Variants in TMTC1 observed in about 807,000 individuals in gnomAD.
TMTC1 encodes the protein transmembrane O-mannosyltransferase targeting cadherins 1.
TMTC1 carries 73 observed loss-of-function variants against 104.8 expected under a neutral mutation model. That is an observed-to-expected ratio of 0.70 (90% CI 0.58 to 0.85). The LOEUF is 0.85. Among genes scored for constraint, TMTC1 ranks in the 40% least tolerant of loss-of-function variants. The pLI, the probability that TMTC1 is intolerant of heterozygous loss-of-function variation, is 0.00. For synonymous variants in TMTC1, 434 were observed against 428.7 expected (o/e 1.01, Z -0.15); for missense variants, 1,035 against 1,096.1 (o/e 0.94, Z 0.79).
intron 10 of TMTC1, among the ~76,000 whole-genome samples, chr12:29,537,002 T>C (rs1385458598): frequency 1.3e-5 from 2 of 152,154 alleles, no homozygotes; most frequent in African/African-American, 2.4e-5. Context: ...GTCATTACCA[T>C]TTTCTTGGGT....
intron 5 of TMTC1, among the ~76,000 whole-genome samples, chr12:29,670,021 C>T (rs1020092820): frequency 6.6e-6 from 1 of 152,134 alleles, no homozygotes; most frequent in African/African-American, 2.4e-5. Context: ...CTGTGTTTTC[C>T]GTTATTTCCA....
At chr12:29,582,974 A>T (rs183279356) in intron 8 of TMTC1, among the ~76,000 whole-genome samples, 195 of 152,352 alleles carry the variant, frequency 1.3e-3, no homozygotes, top group African/African-American at 4.4e-3. Flanking sequence ...TTAATGTTCA[A>T]AATAAAGCAA....
At chr12:29,744,198 C>T (rs1942895387) in intron 5 of TMTC1, among the ~76,000 whole-genome samples, 1 of 152,208 alleles carries the variant, frequency 6.6e-6, no homozygotes, top group South Asian at 2.1e-4. Context: ...CATCTACTGA[C>T]TGAAATTCAC....
intron 5 of TMTC1, among the ~76,000 whole-genome samples, chr12:29,674,683 C>A (rs536101967): frequency 1.2e-3 from 178 of 152,304 alleles, no homozygotes; most frequent in Non-Finnish European, 1.7e-3. Flanking sequence ...GGGCTCAAAT[C>A]CAGCCCATGC....
In TMTC1 at chr12:29,751,688, G is replaced by A. The variant is rs115853420; in HGVS notation, c.916C>T (p.Arg306Ter). 32 of 1,614,128 alleles carry A rather than the reference G, an allele frequency of 2.0e-5. No individual in the cohort carries two copies. Among genetic ancestry groups the A allele is most frequent in the East Asian group, 1.8e-4 (8 of 44,870 alleles). Residue 306 changes from arginine to a stop codon, truncating the protein, a stop_gained, in exon 5 of 18, where the codon CGA (arginine) becomes TGA (stop). Coordinates refer to ENST00000539277, the MANE Select transcript of TMTC1 (RefSeq NM_001193451.2). LOFTEE classifies it high-confidence loss of function. The part of the protein sequence containing the change: ...PKSSGFPVSP[R>*]AVWSMMRFLT... ...TACCTCATCATGGACCACACAGCTCGTGGGGACACTGGGAATCCACTGCTC... is the reference window on the plus strand; with the variant it reads ...TACCTCATCATGGACCACACAGCTCATGGGGACACTGGGAATCCACTGCTC...
At chr12:29,721,693 C>T (rs1046075763) in intron 5 of TMTC1, among the ~76,000 whole-genome samples, 3 of 152,076 alleles carry the variant, frequency 2.0e-5, no homozygotes, top group South Asian at 2.1e-4. Context: ...CCAGCTTGTT[C>T]TTATACACCA....
intron 5 of TMTC1, among the ~76,000 whole-genome samples, chr12:29,685,928 G>GT (rs1941077824): frequency 8.7e-6 from 1 of 114,940 alleles, no homozygotes; most frequent in Non-Finnish European, 1.8e-5. Context: ...TAGCAAGATT[G>GT]TTAAAAAAAA....
intron 5 of TMTC1, among the ~76,000 whole-genome samples, chr12:29,720,533 T>C (rs934789339): frequency 2.0e-5 from 3 of 152,182 alleles, no homozygotes; most frequent in African/African-American, 7.2e-5. Context: ...TTAAATTCTA[T>C]GGACAGGTTT....
chr12:29,597,112 C>G (rs1394318716), intron 7 of TMTC1, among the ~76,000 whole-genome samples: 1 of 152,200 alleles, frequency 6.6e-6, no homozygotes, highest in Non-Finnish European at 1.5e-5. Context: ...AGACAGCCAT[C>G]TGACATTTCT....
At chr12:29,626,418 T>G (rs1937996623) in intron 6 of TMTC1, among the ~76,000 whole-genome samples, 1 of 152,178 alleles carries the variant, frequency 6.6e-6, no homozygotes, top group Non-Finnish European at 1.5e-5. Flanking sequence ...TGAGCTCAAG[T>G]TTATGTAACT....
At chr12:29,607,184 A>G (rs1201755063) in intron 6 of TMTC1, among the ~76,000 whole-genome samples, 2 of 152,144 alleles carry the variant, frequency 1.3e-5, no homozygotes, top group Non-Finnish European at 2.9e-5. Flanking sequence ...CCTTCATGAC[A>G]TCACTCTAGT....
intron 10 of TMTC1, 131 bp from the exon 11 acceptor site, chr12:29,536,448 TG>T (rs1372224548): frequency 1.6e-6 from 1 of 644,742 alleles, no homozygotes; most frequent in Admixed American, 3.1e-5. Context: ...TTATTGCAAA[TG>T]AATTAAACTA....
At chr12:29,773,941 A>G (rs1943650765) in intron 1 of TMTC1, among the ~76,000 whole-genome samples, 1 of 152,132 alleles carries the variant, frequency 6.6e-6, no homozygotes. Context: ...TCGAAGTTGC[A>G]GGTGCTCCTT....
chr12:29,553,142 G>C (rs1398008339), intron 10 of TMTC1, among the ~76,000 whole-genome samples: 1 of 152,166 alleles, frequency 6.6e-6, no homozygotes, highest in Non-Finnish European at 1.5e-5. Context: ...GTAATGTTTG[G>C]ATTGGAAAGC....
chr12:29,694,785 C>A (rs1003210922), intron 5 of TMTC1, among the ~76,000 whole-genome samples: 2 of 152,052 alleles, frequency 1.3e-5, no homozygotes, highest in Non-Finnish European at 2.9e-5. Flanking sequence ...ACTAAGAATA[C>A]AAAAATTAGC....
chr12:29,592,769 G>A (rs1177742670), intron 7 of TMTC1, among the ~76,000 whole-genome samples: 1 of 152,134 alleles, frequency 6.6e-6, no homozygotes, highest in Non-Finnish European at 1.5e-5. Context: ...TGTTTGTAGT[G>A]CACCATGCCT....
Position 29,767,996 on chromosome 12 carries a change from CAA to C in TMTC1, c.380_381del (p.Leu127ArgfsTer7), listed in dbSNP as rs1565824281. 6.2e-7 allele frequency: 1 copy of C among 1,613,676 alleles called. No homozygotes were observed. Among genetic ancestry groups the C allele is most frequent in the Non-Finnish European group, 8.5e-7 (1 of 1,179,842 alleles). On this transcript the variant is annotated frameshift_variant, in exon 2 of 18. Coordinates refer to ENST00000539277, the MANE Select transcript of TMTC1 (RefSeq NM_001193451.2). LOFTEE classifies it high-confidence loss of function. Reference protein sequence around the residue: ...VNIILHCLVTLVLMYTCDKTV... With the variant: ...VNIILHCLVTXVLMYTCDKTV... ...GTTTTATCACAGGTGTACATCAGCACAAGAGTCACTAAGCAGTGTAAAATTAT... is the reference window on the plus strand; with the variant it reads ...GTTTTATCACAGGTGTACATCAGCACGAGTCACTAAGCAGTGTAAAATTAT...
intron 2 of TMTC1, among the ~76,000 whole-genome samples, chr12:29,767,104 T>A (rs1943483123): frequency 6.6e-6 from 1 of 151,940 alleles, no homozygotes; most frequent in African/African-American, 2.4e-5. Flanking sequence ...CACCCGCCAC[T>A]GCACCTGGCT....
chr12:29,528,941 T>C (rs879731383), intron 11 of TMTC1, among the ~76,000 whole-genome samples: 1 of 152,054 alleles, frequency 6.6e-6, no homozygotes, highest in African/African-American at 2.4e-5. Flanking sequence ...ATAGTGGCAT[T>C]AGTTTATATT....
Sources: gnomAD v4.1 joint callset for allele counts (sites outside exome capture counted in the v4.1 genomes callset) on GRCh38, gnomAD v4.1.1 for gene constraint, MANE v1.5 for transcripts, NCBI Gene and HGNC (gene_info 2026-07-23, HGNC 2026-07-21) for gene names.